The following QRICH1 variants were observed in gnomAD, a reference collection of about 807,000 sequenced individuals.
QRICH1 encodes glutamine rich 1.
Under a neutral mutation model 87.1 loss-of-function variants are expected in QRICH1, and 16 were observed. That is an observed-to-expected ratio of 0.18 (90% CI 0.12 to 0.28). The LOEUF (loss-of-function observed/expected upper bound fraction) is 0.28, where lower values mean the gene tolerates loss of function less well. QRICH1 is among the 10% of genes least tolerant of loss of function. QRICH1 has a pLI of 1.00. For missense variants in QRICH1, 647 were observed against 951.7 expected (o/e 0.68, Z 4.21); for synonymous variants, 367 against 368.4 (o/e 1.00, Z 0.05).
intron 1 of QRICH1, chr3:49,092,542 T>C (rs1364376756): frequency 1.3e-5 from 2 of 152,070 alleles, no homozygotes; most frequent in East Asian, 3.8e-4. Flanking sequence ...AACAATACAG[T>C]ACATTAGAAA....
chr3:49,050,202 T>C (rs946355555), intron 3 of QRICH1, among the ~76,000 whole-genome samples: 10 of 138,912 alleles, frequency 7.2e-5, no homozygotes, highest in East Asian at 2.1e-4. Context: ...TGAGCCAAGA[T>C]TGTGCCACTG....
intron 2 of QRICH1, among the ~76,000 whole-genome samples, chr3:49,074,140 T>C (rs1233342141): frequency 1.3e-5 from 2 of 152,164 alleles, no homozygotes; most frequent in Non-Finnish European, 2.9e-5. Context: ...ATCTGAGTTA[T>C]GGAATCACAC....
At chr3:49,079,469 T>A (rs892120023) in intron 1 of QRICH1, among the ~76,000 whole-genome samples, 15 of 147,600 alleles carry the variant, frequency 1.0e-4, no homozygotes, top group Non-Finnish European at 2.1e-4. Flanking sequence ...AAATATAATT[T>A]TTACATAAAT....
chr3:49,090,230 C>T (rs1372927879), intron 1 of QRICH1, among the ~76,000 whole-genome samples: 2 of 151,990 alleles, frequency 1.3e-5, no homozygotes, highest in Non-Finnish European at 1.5e-5. Context: ...GAGGCCGAGG[C>T]GGGCGGATCA....
In QRICH1 at chr3:49,033,321, G is replaced by A. The variant is rs992414261; in HGVS notation, c.1787-93C>T. 3.3e-5 allele frequency: 24 copies of A among 717,462 alleles called. 1 individual carries two copies. In the South Asian group the frequency reaches 9.1e-4, roughly 27 times the overall value. 44.4% of individuals were successfully genotyped at this position (717,462 alleles called of 1,614,324 possible). ...TGTGTGAAGCATAAGGACCACACAG[G>A]AGTATAAATTTCATCAGGGGACTCT... On this transcript the variant is annotated intron_variant, in intron 6 of 9. Transcript: ENST00000395443.
Position 49,047,200 on chromosome 3 carries a change from T to C in QRICH1, c.1385A>G (p.Gln462Arg). ...VAEVEPQSQP[Q>R]PSPELLLPNS... ...TGGAAGCAGAAGTTCTGGGGAAGGC[T>C]GTGGCTGTGACTGTGGTTCAACTTC... is the stretch of plus-strand genomic sequence containing the variant. The change falls in exon 4 of 10, where the codon CAG (glutamine) becomes CGG (arginine). Residue 462 changes from glutamine (Q) to arginine (R), a missense_variant. Transcript: ENST00000395443. 1 of 1,614,214 alleles carries C rather than the reference T, an allele frequency of 6.2e-7. No homozygotes were observed. Among genetic ancestry groups the C allele is most frequent in the Non-Finnish European group, 8.5e-7 (1 of 1,180,040 alleles).
At chr3:49,054,722 C>T (rs1278790531) in intron 3 of QRICH1, among the ~76,000 whole-genome samples, 1 of 152,044 alleles carries the variant, frequency 6.6e-6, no homozygotes, top group Non-Finnish European at 1.5e-5. Context: ...CTGGGCAACA[C>T]AGTGAGACCC....
At chr3:49,035,715 C>T (rs2093270649) in intron 6 of QRICH1, among the ~76,000 whole-genome samples, 2 of 151,626 alleles carry the variant, frequency 1.3e-5, no homozygotes, top group Admixed American at 6.6e-5. Context: ...CCGAGCCCAA[C>T]AGGGTGAGGC....
chr3:49,035,552 C>G (rs888417256), intron 6 of QRICH1, among the ~76,000 whole-genome samples: 8 of 151,854 alleles, frequency 5.3e-5, no homozygotes, highest in African/African-American at 1.9e-4. Context: ...TCTATAATCT[C>G]AGCACATTGG....
At chr3:49,045,869 C>A (rs2093336122) in intron 5 of QRICH1, among the ~76,000 whole-genome samples, 1 of 151,970 alleles carries the variant, frequency 6.6e-6, no homozygotes, top group East Asian at 1.9e-4. Flanking sequence ...GCTGGGATTA[C>A]AGGTGTGAGA....
chr3:49,057,163 G>A lies in QRICH1; in HGVS notation c.1037C>T (p.Pro346Leu). 6.2e-7 allele frequency: 1 copy of A among 1,614,200 alleles called. No homozygotes were observed. The highest frequency in any genetic ancestry group is 8.5e-7 in the Non-Finnish European group (1 of 1,180,038). ...CAGCTTAACAGCTGCCAGGGCTGTG[G>A]GTGAGCCACTGACGTGAACTGCGTT... Reference protein sequence around the residue: ...AYNAVHVSGSPTALAAVKLED... With the variant: ...AYNAVHVSGSLTALAAVKLED... Residue 346 changes from proline to leucine, a missense_variant, in exon 3 of 10, where the codon CCC becomes CTC. Physicochemically the swap from Pro to Leu is moderately conservative, Grantham distance 98 (BLOSUM62 -3). Around this residue, in one of 7 missense-constraint regions of QRICH1, gnomAD observed 115 missense variants for 126.8 expected, o/e 0.91. Transcript: ENST00000395443. The surrounding 1 kb of genome is among the most constrained non-coding windows in gnomAD (Gnocchi z 5.4).
At chr3:49,034,095 T>C (rs909158973) in intron 6 of QRICH1, among the ~76,000 whole-genome samples, 2 of 150,558 alleles carry the variant, frequency 1.3e-5, no homozygotes, top group Admixed American at 6.6e-5. Flanking sequence ...ATTATTATTA[T>C]TATTATTATT....
At chr3:49,052,455 GAC>G (rs1001476878) in intron 3 of QRICH1, among the ~76,000 whole-genome samples, 1 of 152,170 alleles carries the variant, frequency 6.6e-6, no homozygotes, top group African/African-American at 2.4e-5. Flanking sequence ...CAGGGATTAA[GAC>G]ACAGGCTCCA....
intron 2 of QRICH1, among the ~76,000 whole-genome samples, chr3:49,062,895 G>A (rs754452401): frequency 1.3e-5 from 2 of 151,794 alleles, no homozygotes; most frequent in South Asian, 2.1e-4. Flanking sequence ...AGCTACTCGG[G>A]AGGCTGAGAC....
Position 49,057,183 on chromosome 3 carries a change from T to G in QRICH1, c.1017A>C (p.Ala339=). 1.2e-6 allele frequency: 2 copies of G among 1,614,230 alleles called. No individual in the cohort carries two copies. Among genetic ancestry groups the G allele is most frequent in the Non-Finnish European group, 1.7e-6 (2 of 1,180,036 alleles). Residue 339 remains alanine (A), a synonymous_variant, in exon 3 of 10, where the codon GCA becomes GCC. Coordinates refer to ENST00000395443, the MANE Select transcript of QRICH1 (RefSeq NM_198880.3). This position sits in a 1 kb window ranked among gnomAD's most constrained non-coding sequence, Gnocchi z 5.4. The part of the protein sequence containing the change: ...HIAIPQEAYN[A]VHVSGSPTAL... ...CTGTGGGTGAGCCACTGACGTGAAC[T>G]GCGTTGTAGGCTTCCTGGGGAATGG...
chr3:49,039,447 G>C (rs908347599), intron 6 of QRICH1, among the ~76,000 whole-genome samples: 1 of 151,768 alleles, frequency 6.6e-6, no homozygotes, highest in African/African-American at 2.4e-5. Context: ...TCGGGAGGCC[G>C]AGGCGGGCCG....
At chr3:49,035,926 A>AAC (rs2093272763) in intron 6 of QRICH1, among the ~76,000 whole-genome samples, 1 of 151,808 alleles carries the variant, frequency 6.6e-6, no homozygotes, top group Non-Finnish European at 1.5e-5. Flanking sequence ...AAAAAAAAAA[A>AAC]AACAAAAACT....
At chr3:49,061,773 C>G (rs1484701319) in intron 2 of QRICH1, among the ~76,000 whole-genome samples, 2 of 152,010 alleles carry the variant, frequency 1.3e-5, no homozygotes, top group African/African-American at 4.8e-5. Flanking sequence ...AACTACTAAA[C>G]CCAGGAGGTG....
At chr3:49,046,092 T>C (rs1024571570) in intron 5 of QRICH1, among the ~76,000 whole-genome samples, 2 of 151,758 alleles carry the variant, frequency 1.3e-5, no homozygotes, top group Non-Finnish European at 2.9e-5. Flanking sequence ...AATTTTTCTA[T>C]TTTTAGTGGA....
Sources: allele counts gnomAD v4.1 joint callset (sites outside exome capture counted in the v4.1 genomes callset), GRCh38; gene constraint gnomAD v4.1.1; regional missense constraint gnomAD v4.1.1; non-coding constraint Gnocchi (gnomAD v3.1); transcripts MANE v1.5; gene names NCBI Gene and HGNC (gene_info 2026-07-23, HGNC 2026-07-21).